POLD3: variants seen among roughly 807,000 people sequenced by gnomAD.
POLD3 encodes the protein DNA polymerase delta 3, accessory subunit.
A neutral mutation model predicts 58.2 loss-of-function variants in POLD3; 19 were observed. The ratio of observed to expected loss-of-function variants is 0.33; its 90% CI spans 0.23 to 0.48. The LOEUF (loss-of-function observed/expected upper bound fraction) is 0.48, where lower values mean the gene tolerates loss of function less well. Ranked by LOEUF, POLD3 falls within the 20% of genes least tolerant of loss-of-function variation. The pLI, the probability that POLD3 is intolerant of heterozygous loss-of-function variation, is 0.99. For missense variants in POLD3, 504 were observed against 545.5 expected (o/e 0.92, Z 0.76); for synonymous variants, 172 against 193.5 (o/e 0.89, Z 0.92).
At chr11:74,638,644 G>A (rs537415427) in intron 11 of POLD3, 1 of 455,812 alleles carries the variant, frequency 2.2e-6, no homozygotes, top group Non-Finnish European at 4.4e-6. Flanking sequence ...GTGAGATGGA[G>A]GTGGTGTTCT....
intron 6 of POLD3, among the ~76,000 whole-genome samples, chr11:74,619,255 T>C (rs2032176513): frequency 6.6e-6 from 1 of 152,248 alleles, no homozygotes; most frequent in Non-Finnish European, 1.5e-5. Context: ...TATTTGCTTC[T>C]CTTAGATTTT....
intron 7 of POLD3, among the ~76,000 whole-genome samples, chr11:74,620,656 T>C (rs145265493): frequency 3.9e-4 from 59 of 152,338 alleles, no homozygotes; most frequent in African/African-American, 1.4e-3. Flanking sequence ...AAAAAGATAC[T>C]TAAGTAAGAA....
At chr11:74,609,049 T>C (rs946735237) in intron 3 of POLD3, among the ~76,000 whole-genome samples, 12 of 152,240 alleles carry the variant, frequency 7.9e-5, no homozygotes, top group African/African-American at 2.6e-4. Flanking sequence ...ATCTATTTGC[T>C]TTAGACAAAT....
Position 74,642,471 on chromosome 11 carries a change from C to A in POLD3, c.*1705C>A. On this transcript the variant is annotated 3_prime_UTR_variant, in exon 12 of 12. Coordinates refer to ENST00000263681, the MANE Select transcript of POLD3 (RefSeq NM_006591.3). ...GAATGGAAAATTAAAAGAAAAGCAACAATCCAATCTTTTTTCTAAAAATTA... is the reference window on the plus strand; with the variant it reads ...GAATGGAAAATTAAAAGAAAAGCAAAAATCCAATCTTTTTTCTAAAAATTA... 1.0e-6 allele frequency: 1 copy of A among 985,090 alleles called. No homozygotes were observed. Among genetic ancestry groups the A allele is most frequent in the Non-Finnish European group, 1.2e-6 (1 of 829,656 alleles). The allele number at this position is 985,090 out of a possible 1,614,324, so 61.0% of individuals were successfully genotyped here.
In POLD3 at chr11:74,662,795, A is replaced by G. The variant is rs2033220400; in HGVS notation, c.370-5982A>G. 1.3e-5 allele frequency among the ~76,000 whole-genome samples: 2 copies of G among 152,152 alleles called. 1 individual carries two copies. Among genetic ancestry groups the G allele is most frequent in the South Asian group, 4.1e-4 (2 of 4,830 alleles). ...GTGGCACAGACTGCCTTTCAAGTTT[A>G]CTTAGGACCCCAGAACACTTTAGCC... On this transcript the variant is annotated intron_variant, in intron 4 of 4. Transcript: ENST00000524752.
intron 3 of POLD3, among the ~76,000 whole-genome samples, chr11:74,609,372 ATTTTTTTT>A (rs869157886): frequency 0.022 from 582 of 26,926 alleles, 4 homozygotes; most frequent in African/African-American, 0.067. Flanking sequence ...ATATATATAT[ATTTTTTTT>A]TTTTTTTTTT....
At chr11:74,620,225 A>G in intron 7 of POLD3, 136 bp downstream of exon 7, 3 of 677,752 alleles carry the variant, frequency 4.4e-6, no homozygotes, top group African/African-American at 3.6e-5. Context: ...TTTCCAGTGT[A>G]CTGCCCAATA....
At chr11:74,618,447 T>C in intron 5 of POLD3, 90 bp from the exon 6 acceptor site, 2 of 888,408 alleles carry the variant, frequency 2.3e-6, no homozygotes, top group Non-Finnish European at 1.8e-6. Context: ...TAAAGTTTTA[T>C]ACTGACATTA....
At chr11:74,611,660 T>G (rs1277084387) in intron 4 of POLD3, 122 bp downstream of exon 4, 1 of 622,282 alleles carries the variant, frequency 1.6e-6, no homozygotes, top group Non-Finnish European at 2.8e-6. Context: ...AGCCCAATAT[T>G]CATTTTATGA....
rs2033123081 is a variant in POLD3, at chr11:74,655,546, A to G, written c.370-13231A>G. On this transcript the variant is annotated intron_variant, in intron 4 of 4. Transcript: ENST00000524752. ...AAACTTTATCAATCAACTTGACCTA[A>G]TTGATATTTACGGAACACAACACTC... Among the ~76,000 whole-genome samples the G allele has an allele frequency of 2.0e-5, 3 of 152,194 alleles. No individual in the cohort carries two copies. In the South Asian group the frequency reaches 6.2e-4, roughly 31 times the overall value.
Position 74,592,590 on chromosome 11 carries a change from T to C in POLD3, c.-69T>C. The C allele has an allele frequency of 6.3e-7, 1 of 1,585,434 alleles. No homozygotes were observed. The highest frequency in any genetic ancestry group is 8.6e-7 in the Non-Finnish European group (1 of 1,159,060). On this transcript the variant is annotated 5_prime_UTR_variant, in exon 1 of 12. Coordinates refer to ENST00000263681, the MANE Select transcript of POLD3 (RefSeq NM_006591.3). ...GGGACCTGGGAGGGAGCAAAGACGT[T>C]TCCCGCCGGCGGGAGCTGTGGCTGT...
intron 2 of POLD3, among the ~76,000 whole-genome samples, chr11:74,600,223 C>T (rs879313537): frequency 2.1e-4 from 32 of 152,248 alleles, no homozygotes; most frequent in Admixed American, 9.8e-4. Context: ...GGATTACAGG[C>T]ATGAGCCACT....
At chr11:74,594,216 T>A in intron 2 of POLD3, 100 bp downstream of exon 2, 1 of 729,884 alleles carries the variant, frequency 1.4e-6, no homozygotes, top group East Asian at 2.5e-5. Context: ...AGATTAGAGC[T>A]AATTTGGTTT....
chr11:74,608,554 G>A (rs184041548), intron 3 of POLD3, among the ~76,000 whole-genome samples: 11 of 152,128 alleles, frequency 7.2e-5, no homozygotes, highest in Admixed American at 5.2e-4. Context: ...CCTAACTCCC[G>A]TGTCCACTTT....
In POLD3 at chr11:74,636,185, C is replaced by T. The variant is rs2032744256; in HGVS notation, c.1120-12C>T. 1.2e-6 allele frequency: 2 copies of T among 1,607,504 alleles called. No individual in the cohort carries two copies. Among genetic ancestry groups the T allele is most frequent in the Non-Finnish European group, 1.7e-6 (2 of 1,174,320 alleles). ...TTGATCCAGCTTAACATTGTATCCT[C>T]TGACCTTTTAGAGCTCAAGTGGAGA... On this transcript the variant is annotated splice_polypyrimidine_tract_variant and intron_variant, in intron 10 of 11. Coordinates refer to ENST00000263681, the MANE Select transcript of POLD3 (RefSeq NM_006591.3).
intron 7 of POLD3, 75 bp downstream of exon 7, chr11:74,620,164 C>T: frequency 8.8e-7 from 1 of 1,142,136 alleles, no homozygotes; most frequent in Non-Finnish European, 1.3e-6. Context: ...GAAGTGAAAG[C>T]CACTTTGTCT....
Position 74,598,539 on chromosome 11 carries a change from A to G in POLD3, c.116+4423A>G, listed in dbSNP as rs139801377. Among the ~76,000 whole-genome samples, 584 of 152,296 alleles carry G rather than the reference A, an allele frequency of 3.8e-3. 3 individuals carry two copies. Among genetic ancestry groups the G allele is most frequent in the African/African-American group, 0.013 (551 of 41,572 alleles). On this transcript the variant is annotated intron_variant, in intron 2 of 11. Transcript: ENST00000263681. ...TGGAATTTGGATAGGGCACAGTGGG[A>G]ATGGCTTATGTCTGTTCCATGATGT...
At chr11:74,613,694 G>A (rs2031989135) in intron 5 of POLD3, among the ~76,000 whole-genome samples, 1 of 152,170 alleles carries the variant, frequency 6.6e-6, no homozygotes, top group South Asian at 2.1e-4. Context: ...ACTTTGACAG[G>A]TACTGAGCAA....
At chr11:74,604,886 T>G (rs2031624200) in intron 3 of POLD3, 92 bp downstream of exon 3, 1 of 715,578 alleles carries the variant, frequency 1.4e-6, no homozygotes, top group African/African-American at 1.8e-5. Context: ...AAATCAAGAT[T>G]CTGTGTTATA....
Sources: allele counts gnomAD v4.1 joint callset (sites outside exome capture counted in the v4.1 genomes callset), GRCh38; gene constraint gnomAD v4.1.1; transcripts MANE v1.5; gene names NCBI Gene and HGNC (gene_info 2026-07-23, HGNC 2026-07-21).